Variants in XRCC4 observed in about 807,000 individuals in gnomAD.
The protein encoded by XRCC4 is X-ray repair cross complementing 4, also known as DNA repair protein XRCC4.
XRCC4 carries 28 observed loss-of-function variants against 39.1 expected under a neutral mutation model. The observed-to-expected ratio is 0.72, with a 90% CI of 0.53 to 0.98. The LOEUF (loss-of-function observed/expected upper bound fraction) is 0.98, where lower values mean the gene tolerates loss of function less well. XRCC4 is among the 50% of genes least tolerant of loss of function. XRCC4 has a pLI of 0.00. For missense variants in XRCC4, 350 were observed against 376.4 expected (o/e 0.93, Z 0.58); for synonymous variants, 123 against 126.4 (o/e 0.97, Z 0.18).
At chr5:83,365,237 G>C in the XRCC4 span, among the ~76,000 whole-genome samples, 1 of 152,160 alleles carries the variant, frequency 6.6e-6, no homozygotes, top group Admixed American at 6.5e-5. Flanking sequence ...CGCTATAACT[G>C]ATGGACATCC....
chr5:83,176,042 A>G (rs1749940519), intron 3 of XRCC4, among the ~76,000 whole-genome samples: 1 of 151,874 alleles, frequency 6.6e-6, no homozygotes, highest in African/African-American at 2.4e-5. Flanking sequence ...AAATAATAAT[A>G]ATAATAATAA....
intron 7 of XRCC4, among the ~76,000 whole-genome samples, chr5:83,276,479 T>TG: frequency 8.0e-6 from 1 of 124,436 alleles, no homozygotes; most frequent in South Asian, 2.5e-4. Context: ...TGGGTTATCA[T>TG]GGGAATGAGG....
At chr5:83,130,863 CTTCT>C (rs1477858264) in intron 3 of XRCC4, among the ~76,000 whole-genome samples, 1 of 151,848 alleles carries the variant, frequency 6.6e-6, no homozygotes, top group Non-Finnish European at 1.5e-5. Context: ...TCTCTCTTTT[CTTCT>C]TTATTAGTCT....
At chr5:83,150,374 G>A (rs1748646752) in intron 3 of XRCC4, among the ~76,000 whole-genome samples, 1 of 152,096 alleles carries the variant, frequency 6.6e-6, no homozygotes, top group South Asian at 2.1e-4. Context: ...AATGTTAAAA[G>A]CTTCCTAAGC....
intron 3 of XRCC4, among the ~76,000 whole-genome samples, chr5:83,152,951 A>AT (rs1372829981): frequency 1.1e-4 from 16 of 152,094 alleles, no homozygotes; most frequent in Non-Finnish European, 2.4e-4. Context: ...ATTCGATGTG[A>AT]TTTTATCTCA....
At chr5:83,348,455 C>G (rs771693728) in intron 7 of XRCC4, among the ~76,000 whole-genome samples, 3 of 152,250 alleles carry the variant, frequency 2.0e-5, no homozygotes. Context: ...GAGGCTTGCA[C>G]CCTCTGAAGC....
Position 83,102,685 on chromosome 5 carries a change from G to A in XRCC4, c.-10-2225G>A, listed in dbSNP as rs141618116. Among the ~76,000 whole-genome samples the A allele has an allele frequency of 8.5e-3, 1,288 of 152,146 alleles. 9 individuals carry two copies. Among genetic ancestry groups the A allele is most frequent in the Non-Finnish European group, 0.013 (872 of 67,964 alleles). ...AAATAAAAGTCTTAGTTTTGTTTTA[G>A]AGTAGTCTTAAAACAACAGCTCCTT... On this transcript the variant is annotated intron_variant, in intron 1 of 7. Coordinates refer to ENST00000396027, the MANE Select transcript of XRCC4 (RefSeq NM_003401.5).
the XRCC4 span, among the ~76,000 whole-genome samples, chr5:83,374,112 C>T: frequency 2.6e-5 from 4 of 152,150 alleles, no homozygotes; most frequent in Admixed American, 6.6e-5. Flanking sequence ...ACCCAGCATC[C>T]TGTAAGAGGA....
intron 7 of XRCC4, among the ~76,000 whole-genome samples, chr5:83,268,827 G>T (rs1378073974): frequency 6.6e-6 from 1 of 152,112 alleles, no homozygotes; most frequent in Non-Finnish European, 1.5e-5. Context: ...CCCAACTTTA[G>T]AGAATAAGAT....
rs532880852 is a variant in XRCC4, at chr5:83,290,368, T to C, written c.893+31691T>C. Among the ~76,000 whole-genome samples, 4 of 151,408 alleles carry C rather than the reference T, an allele frequency of 2.6e-5. No homozygotes were observed. In the East Asian group the frequency reaches 7.7e-4, roughly 29 times the overall value. Reference sequence around the variant, plus strand: ...AGAATTATATATAAAGTGGATGCCCTTTTATTAATTCTATTTAAGAAAATA... The same window carrying C: ...AGAATTATATATAAAGTGGATGCCCCTTTATTAATTCTATTTAAGAAAATA... On this transcript the variant is annotated intron_variant, in intron 7 of 7. Transcript: ENST00000396027.
intron 3 of XRCC4, among the ~76,000 whole-genome samples, chr5:83,129,618 T>G (rs1455215879): frequency 6.6e-6 from 1 of 152,108 alleles, no homozygotes; most frequent in East Asian, 1.9e-4. Flanking sequence ...GCATGGAATG[T>G]TCTTCCATTT....
At chr5:83,252,584 T>C (rs1354019094) in intron 6 of XRCC4, among the ~76,000 whole-genome samples, 1 of 149,708 alleles carries the variant, frequency 6.7e-6, no homozygotes, top group Non-Finnish European at 1.5e-5. Flanking sequence ...TTTCTGATAC[T>C]TTTTTATTTA....
chr5:83,202,271 T>G (rs1293826247), intron 4 of XRCC4: 1 of 152,212 alleles, frequency 6.6e-6, no homozygotes, highest in Non-Finnish European at 1.5e-5. Flanking sequence ...GTTTGTCTAA[T>G]AAGAACCTAC....
chr5:83,187,430 C>T (rs1210876850), intron 3 of XRCC4, among the ~76,000 whole-genome samples: 2 of 152,188 alleles, frequency 1.3e-5, no homozygotes, highest in Non-Finnish European at 2.9e-5. Flanking sequence ...TATAAAGTCC[C>T]ACTTTACTGT....
intron 7 of XRCC4, among the ~76,000 whole-genome samples, chr5:83,315,452 C>T (rs10058527): frequency 0.043 from 6,493 of 152,182 alleles, 476 homozygotes; most frequent in African/African-American, 0.15. Context: ...CCAGTGTACA[C>T]AAAACAGCCT....
In XRCC4 at chr5:83,204,926, G is replaced by C; in HGVS notation, c.745+5G>C. On this transcript the variant is annotated splice_donor_5th_base_variant and intron_variant, in intron 6 of 7. Transcript: ENST00000396027. The stretch of plus-strand genomic sequence containing the variant: ...ATCTCTCTGGGTTGGCTTCAGGTAA[G>C]AGATACATACATTTATCTCCTCTGT... 1 of 1,590,356 alleles carries C rather than the reference G, an allele frequency of 6.3e-7. No individual in the cohort carries two copies. The highest frequency in any genetic ancestry group is 8.6e-7 in the Non-Finnish European group (1 of 1,159,930).
At chr5:83,133,546 G>A (rs1036327110) in intron 3 of XRCC4, among the ~76,000 whole-genome samples, 1 of 152,212 alleles carries the variant, frequency 6.6e-6, no homozygotes, top group African/African-American at 2.4e-5. Flanking sequence ...CCCAGTTCGA[G>A]CTTTCTGGCC....
At chr5:83,228,457 C>T (rs1401753375) in intron 6 of XRCC4, among the ~76,000 whole-genome samples, 1 of 151,970 alleles carries the variant, frequency 6.6e-6, no homozygotes, top group Non-Finnish European at 1.5e-5. Flanking sequence ...TCTAAGCCAA[C>T]ACTTGAAAAA....
At chr5:83,080,525 CAAAAA>C in intron 1 of XRCC4, among the ~76,000 whole-genome samples, 1 of 128,390 alleles carries the variant, frequency 7.8e-6, no homozygotes, top group Middle Eastern at 4.5e-3. Context: ...GACTCCATCT[CAAAAA>C]AAAAAAAAAA....
Sources: gnomAD v4.1 joint callset for allele counts (sites outside exome capture counted in the v4.1 genomes callset) on GRCh38, gnomAD v4.1.1 for gene constraint, MANE v1.5 for transcripts, NCBI Gene and HGNC (gene_info 2026-07-23, HGNC 2026-07-21) for gene names.